Variants in CDH13 observed in about 807,000 individuals in gnomAD.
CDH13 encodes cadherin-13.
CDH13 carries 24 observed loss-of-function variants against 63.8 expected under a neutral mutation model. The observed-to-expected ratio is 0.38, with a 90% confidence interval of 0.27 to 0.53. The LOEUF is 0.53. Among genes scored for constraint, CDH13 ranks in the 20% least tolerant of loss-of-function variants. The pLI is 0.85. For synonymous variants in CDH13, 503 were observed against 355.3 expected (o/e 1.42, Z -4.67); for missense variants, 1,049 against 903.1 (o/e 1.16, Z -2.07).
At chr16:83,201,958 T>C (rs2039045326) in intron 4 of CDH13, among the ~76,000 whole-genome samples, 2 of 152,144 alleles carry the variant, frequency 1.3e-5, no homozygotes, top group Non-Finnish European at 2.9e-5. Context: ...GAAGATTATT[T>C]ACCAGCTGTA....
chr16:82,896,006 T>G (rs11150517), intron 2 of CDH13, among the ~76,000 whole-genome samples: 120,526 of 152,012 alleles, frequency 0.79, 47,904 homozygotes, highest in East Asian at 0.87. Flanking sequence ...TGTCATTCAG[T>G]TCTCAGATCA....
chr16:83,001,160 A>T (rs1191632159), intron 2 of CDH13, among the ~76,000 whole-genome samples: 1 of 152,224 alleles, frequency 6.6e-6, no homozygotes, highest in African/African-American at 2.4e-5. Flanking sequence ...AGATGACTTT[A>T]TATTTATTCC....
chr16:83,795,089 A>T lies in CDH13; in HGVS notation c.*59A>T. 1.4e-6 allele frequency: 2 copies of T among 1,405,866 alleles called. No homozygotes were observed. The highest frequency in any genetic ancestry group is 2.0e-6 in the Non-Finnish European group (2 of 1,024,962). The allele number at this position is 1,405,866 out of a possible 1,614,324, so 87.1% of individuals were successfully genotyped here. ...TTCCATAGCAACAGGAAAAAAAAAAATCTATCCAAATCTGAAGATTGCGGT... is the reference window on the plus strand; with the variant it reads ...TTCCATAGCAACAGGAAAAAAAAAATTCTATCCAAATCTGAAGATTGCGGT... On this transcript the variant is annotated 3_prime_UTR_variant, in exon 14 of 14. Transcript: ENST00000567109.
chr16:83,253,047 C>T (rs1905776299), intron 5 of CDH13, among the ~76,000 whole-genome samples: 1 of 152,102 alleles, frequency 6.6e-6, no homozygotes, highest in African/African-American at 2.4e-5. Flanking sequence ...TAGCACAGCA[C>T]CTGGCACAGA....
chr16:83,497,712 CA>C (rs1296092676), intron 7 of CDH13, among the ~76,000 whole-genome samples: 2 of 152,138 alleles, frequency 1.3e-5, no homozygotes, highest in African/African-American at 4.8e-5. Context: ...CATGCGTCAT[CA>C]AAACATAGAC....
intron 7 of CDH13, among the ~76,000 whole-genome samples, chr16:83,504,636 G>T (rs2151592041): frequency 6.6e-6 from 1 of 152,258 alleles, no homozygotes; most frequent in Admixed American, 6.5e-5. Flanking sequence ...CAGTGGGGCT[G>T]ATATGGGGTC....
chr16:82,749,472 G>T (rs1218120072), intron 1 of CDH13, among the ~76,000 whole-genome samples: 1 of 152,092 alleles, frequency 6.6e-6, no homozygotes, highest in Non-Finnish European at 1.5e-5. Flanking sequence ...CATATCTCCA[G>T]GTTCGGAACT....
intron 2 of CDH13, among the ~76,000 whole-genome samples, chr16:82,919,434 C>G (rs2042088742): frequency 6.6e-6 from 1 of 152,146 alleles, no homozygotes. Context: ...TCATTTAGCT[C>G]CAACTTATAA....
At chr16:83,498,753 T>C (rs2074204982) in intron 7 of CDH13, among the ~76,000 whole-genome samples, 1 of 152,238 alleles carries the variant, frequency 6.6e-6, no homozygotes, top group Non-Finnish European at 1.5e-5. Context: ...AATAAATAGA[T>C]TTTGAACTTT....
chr16:83,596,813 T>C (rs1318713416), intron 7 of CDH13, among the ~76,000 whole-genome samples: 2 of 152,222 alleles, frequency 1.3e-5, no homozygotes, highest in Non-Finnish European at 2.9e-5. Context: ...TTACTTTCAT[T>C]ATCGGTTTTG....
At chr16:83,386,687 CATCAT>C (rs978048586) in intron 6 of CDH13, among the ~76,000 whole-genome samples, 36 of 152,254 alleles carry the variant, frequency 2.4e-4, no homozygotes, top group African/African-American at 8.2e-4. Flanking sequence ...AGGAATTTTC[CATCAT>C]ACAATTAGTT....
intron 7 of CDH13, among the ~76,000 whole-genome samples, chr16:83,552,852 C>T (rs144594362): frequency 3.9e-5 from 6 of 152,214 alleles, no homozygotes; most frequent in Non-Finnish European, 5.9e-5. Flanking sequence ...AGGCCAAGGT[C>T]GGCAGATCAC....
intron 6 of CDH13, among the ~76,000 whole-genome samples, chr16:83,446,238 G>A (rs2072684010): frequency 6.6e-6 from 1 of 151,410 alleles, no homozygotes; most frequent in African/African-American, 2.4e-5. Flanking sequence ...AGCAGGCAGA[G>A]GTTGCGGTGA....
At chr16:83,756,065 A>G (rs1300879593) in intron 11 of CDH13, among the ~76,000 whole-genome samples, 1 of 152,156 alleles carries the variant, frequency 6.6e-6, no homozygotes, top group Non-Finnish European at 1.5e-5. Context: ...AGACTCTAAT[A>G]AGTCAAGTAT....
At chr16:82,749,089 C>A (rs1156448306) in intron 1 of CDH13, among the ~76,000 whole-genome samples, 1 of 151,496 alleles carries the variant, frequency 6.6e-6, no homozygotes, top group African/African-American at 2.4e-5. Context: ...ATTGTGGGGT[C>A]CAATTTTTTT....
rs564495723 is a variant in CDH13, at chr16:83,575,414, C to A, written c.961-27040C>A. 2.0e-5 allele frequency among the ~76,000 whole-genome samples: 3 copies of A among 152,284 alleles called. No homozygotes were observed. In the South Asian group the frequency reaches 6.2e-4, roughly 32 times the overall value. The stretch of plus-strand genomic sequence containing the variant: ...CAAGTCAACCGCCTGGTTAAATCAC[C>A]ACCGCAGGGATCCTTTTCCTCTCAG... On this transcript the variant is annotated intron_variant, in intron 7 of 13. Transcript: ENST00000567109.
chr16:83,185,621 C>T (rs1342532253), intron 4 of CDH13, among the ~76,000 whole-genome samples: 2 of 152,212 alleles, frequency 1.3e-5, no homozygotes, highest in Non-Finnish European at 2.9e-5. Flanking sequence ...AGTACACTCC[C>T]ACCCATGCCT....
chr16:83,361,428 GT>G (rs1302940995), intron 6 of CDH13, among the ~76,000 whole-genome samples: 2 of 152,058 alleles, frequency 1.3e-5, no homozygotes, highest in Non-Finnish European at 2.9e-5. Flanking sequence ...CAGATCTTTA[GT>G]TTAATTAAAT....
chr16:82,970,742 G>C (rs889978134), intron 2 of CDH13, among the ~76,000 whole-genome samples: 1 of 152,038 alleles, frequency 6.6e-6, no homozygotes, highest in Non-Finnish European at 1.5e-5. Context: ...CTGCATAATA[G>C]ATTAAGTTCC....
Sources: allele counts gnomAD v4.1 joint callset (sites outside exome capture counted in the v4.1 genomes callset), GRCh38; gene constraint gnomAD v4.1.1; transcripts MANE v1.5; gene names NCBI Gene and HGNC (gene_info 2026-07-23, HGNC 2026-07-21).